Variants in ITSN2 observed in about 807,000 individuals in gnomAD.
The protein encoded by ITSN2 is intersectin-2.
Under a neutral mutation model 243.7 loss-of-function variants are expected in ITSN2, and 156 were observed. That is an observed-to-expected ratio of 0.64 (90% CI 0.56 to 0.73). The LOEUF (loss-of-function observed/expected upper bound fraction) is 0.73. ITSN2 is among the 30% of genes least tolerant of loss of function. ITSN2 has a pLI of 0.00. For missense variants in ITSN2, 1,801 were observed against 1,996.1 expected, an observed-to-expected ratio of 0.90 and a Z score of 1.86; for synonymous variants, 703 against 699.9, an observed-to-expected ratio of 1.00 and a Z score of -0.07.
At chr2:24,338,340 C>T (rs1248473263) in intron 1 of ITSN2, among the ~76,000 whole-genome samples, 3 of 152,140 alleles carry the variant, frequency 2.0e-5, no homozygotes, top group Non-Finnish European at 2.9e-5. Flanking sequence ...AGTTGTCCCA[C>T]CTTTCTGGAT....
intron 29 of ITSN2, among the ~76,000 whole-genome samples, chr2:24,227,841 C>A (rs1426407995): frequency 1.3e-5 from 2 of 151,992 alleles, no homozygotes; most frequent in African/African-American, 4.8e-5. Flanking sequence ...ATTGCTTGAA[C>A]CTGGGAGGCA....
intron 30 of ITSN2, among the ~76,000 whole-genome samples, chr2:24,220,024 G>A (rs1670297295): frequency 6.6e-6 from 1 of 152,212 alleles, no homozygotes; most frequent in Admixed American, 6.5e-5. Flanking sequence ...CAACCGAGAA[G>A]TGCCATATAG....
intron 9 of ITSN2, among the ~76,000 whole-genome samples, chr2:24,302,956 T>A (rs988942151): frequency 6.6e-5 from 10 of 152,216 alleles, no homozygotes; most frequent in Non-Finnish European, 1.2e-4. Context: ...AAGGACACTG[T>A]AGCTGTCATA....
chr2:24,247,080 CAG>C (rs1371990375), intron 27 of ITSN2, among the ~76,000 whole-genome samples, 187 bp from the exon 28 acceptor site: 7 of 152,298 alleles, frequency 4.6e-5, no homozygotes, highest in Non-Finnish European at 8.8e-5. Context: ...CCTGACTGGT[CAG>C]AGTGTCTTAG....
chr2:24,324,047 G>A (rs778304262), intron 2 of ITSN2, among the ~76,000 whole-genome samples: 66 of 151,970 alleles, frequency 4.3e-4, no homozygotes, highest in Non-Finnish European at 6.5e-4. Context: ...CCTGGCTAAC[G>A]TGGTGAAACC....
chr2:24,328,014 C>G (rs778181981), intron 2 of ITSN2, 38 bp downstream of exon 2: 1 of 1,586,104 alleles, frequency 6.3e-7, no homozygotes, highest in Non-Finnish European at 8.6e-7. Context: ...AAAAAAAAAT[C>G]CATAACCTCA....
At chr2:24,348,650 T>C (rs184512357) in intron 1 of ITSN2, among the ~76,000 whole-genome samples, 2 of 152,298 alleles carry the variant, frequency 1.3e-5, no homozygotes, top group Non-Finnish European at 2.9e-5. Context: ...ACACACCCTA[T>C]TGCAGGGGCA....
At chr2:24,262,135 A>G (rs1448841620) in intron 20 of ITSN2, among the ~76,000 whole-genome samples, 3 of 152,046 alleles carry the variant, frequency 2.0e-5, no homozygotes, top group Admixed American at 6.6e-5. Context: ...AATTTTTTCA[A>G]TTTTAGACAT....
At chr2:24,241,668 A>T (rs1672744900) in intron 29 of ITSN2, 1 of 152,668 alleles carries the variant, frequency 6.6e-6, no homozygotes. Context: ...ACAAAGTAAT[A>T]AACAGTGCAC....
intron 1 of ITSN2, among the ~76,000 whole-genome samples, chr2:24,355,787 G>A (rs1688391149): frequency 6.6e-6 from 1 of 152,222 alleles, no homozygotes; most frequent in Non-Finnish European, 1.5e-5. Flanking sequence ...TCATCAGGCT[G>A]GGTGCAGTGG....
intron 15 of ITSN2, among the ~76,000 whole-genome samples, chr2:24,288,894 C>T (rs1463912937): frequency 1.3e-5 from 2 of 152,142 alleles, no homozygotes; most frequent in African/African-American, 4.8e-5. Flanking sequence ...ATACACTCCA[C>T]AAATAAATGA....
chr2:24,360,117 G>A (rs963712055), intron 1 of ITSN2, among the ~76,000 whole-genome samples, 187 bp downstream of exon 1: 73 of 152,160 alleles, frequency 4.8e-4, no homozygotes, highest in Non-Finnish European at 1.3e-4. Context: ...GGGGCCGGAG[G>A]TTTCCGCCCC....
At position 24,205,882 on chromosome 2, in the gene ITSN2, A is replaced by ATCAG. The variant is rs958997309; in HGVS notation, c.4679-586_4679-585insCTGA. Among the ~76,000 whole-genome samples, 3 of 152,276 alleles carry ATCAG rather than the reference A, an allele frequency of 2.0e-5. No homozygotes were observed. The South Asian group carries it at 6.2e-4, about 32-fold the overall frequency. On this transcript the variant is annotated intron_variant, in intron 37 of 39. Coordinates refer to ENST00000355123, the MANE Select transcript of ITSN2 (RefSeq NM_006277.3). Reference sequence around the variant, plus strand: ...TAATTACCTGATAATGTAGCTCCCCATTTTACTGATGAGAAACACTGAGGC... The same window carrying ATCAG: ...TAATTACCTGATAATGTAGCTCCCCATCAGTTTTACTGATGAGAAACACTGAGGC...
At chr2:24,310,014 A>T (rs1456780636) in intron 7 of ITSN2, among the ~76,000 whole-genome samples, 2 of 152,234 alleles carry the variant, frequency 1.3e-5, no homozygotes, top group African/African-American at 4.8e-5. Flanking sequence ...GGAAAAGTAC[A>T]CAGCTTTAGG....
intron 15 of ITSN2, among the ~76,000 whole-genome samples, chr2:24,291,557 T>C (rs1407606668): frequency 6.7e-6 from 1 of 148,776 alleles, no homozygotes; most frequent in Admixed American, 6.8e-5. Context: ...CGGTGCGATC[T>C]CAGCTCACTG....
At position 24,340,751 on chromosome 2, in the gene ITSN2, A is replaced by AAC. The variant is rs34201222; in HGVS notation, c.-33-12638_-33-12637dup. On this transcript the variant is annotated intron_variant, in intron 1 of 39. Transcript: ENST00000355123. ...CCTGTGTTCTCAAAAAAGGAAAAAA[A>AAC]ACACACACACACACACACATATAGT... Among the ~76,000 whole-genome samples, 327 of 151,390 alleles carry AAC rather than the reference A, an allele frequency of 2.2e-3. 1 individual carries two copies. Among genetic ancestry groups the AAC allele is most frequent in the East Asian group, 0.01 (54 of 5,166 alleles).
At chr2:24,344,900 C>A (rs1426372371) in intron 1 of ITSN2, among the ~76,000 whole-genome samples, 1 of 151,932 alleles carries the variant, frequency 6.6e-6, no homozygotes, top group South Asian at 2.1e-4. Flanking sequence ...TGCAGTGAGC[C>A]CAGATTGCGC....
At chr2:24,242,742 C>T (rs1212094890) in intron 29 of ITSN2, among the ~76,000 whole-genome samples, 1 of 152,082 alleles carries the variant, frequency 6.6e-6, no homozygotes, top group African/African-American at 2.4e-5. Context: ...CTCAGAGGAA[C>T]CTCTTTAGAA....
chr2:24,315,763 C>A (rs1226438296), intron 2 of ITSN2, among the ~76,000 whole-genome samples: 1 of 152,196 alleles, frequency 6.6e-6, no homozygotes, highest in Non-Finnish European at 1.5e-5. Flanking sequence ...CACTTCCCCC[C>A]TTGCTGCTTC....
Sources: allele counts gnomAD v4.1 joint callset (sites outside exome capture counted in the v4.1 genomes callset), GRCh38; gene constraint gnomAD v4.1.1; transcripts MANE v1.5; gene names NCBI Gene and HGNC (gene_info 2026-07-23, HGNC 2026-07-21).